Variants in COX15 observed in about 807,000 individuals in gnomAD.
The protein encoded by COX15 is heme A synthase COX15.
COX15 carries 51 observed loss-of-function variants against 51.9 expected under a neutral mutation model. The observed-to-expected ratio is 0.98, with a 90% CI of 0.78 to 1.24. The LOEUF is 1.24. Among genes scored for constraint, COX15 ranks in the 50% most tolerant of loss-of-function variants. The pLI, the probability that COX15 is intolerant of heterozygous loss-of-function variation, is 0.00. For synonymous variants in COX15, 188 were observed against 190.5 expected (o/e 0.99, Z 0.11); for missense variants, 420 against 501.1 (o/e 0.84, Z 1.55).
At chr10:99,715,507 T>A (rs914447264) in intron 8 of COX15, among the ~76,000 whole-genome samples, 1 of 52,076 alleles carries the variant, frequency 1.9e-5, no homozygotes, top group Admixed American at 2.3e-4. Flanking sequence ...AATTTTCTCA[T>A]ACAAAAGGTC....
downstream of COX15, among the ~76,000 whole-genome samples, chr10:99,708,193 A>G (rs557887408): frequency 1.7e-4 from 26 of 151,408 alleles, no homozygotes; most frequent in South Asian, 1.9e-3. Context: ...AGATTCCTTT[A>G]ACTTCAAGAT....
chr10:99,696,605 A>G, the COX15 span, among the ~76,000 whole-genome samples: 1 of 152,236 alleles, frequency 6.6e-6, no homozygotes, highest in Non-Finnish European at 1.5e-5. Flanking sequence ...TCAAATTCAT[A>G]ATAGTCAGTT....
chr10:99,731,029 T>C (rs1441409940), intron 1 of COX15, among the ~76,000 whole-genome samples: 1 of 152,116 alleles, frequency 6.6e-6, no homozygotes. Context: ...GCCACAGCAC[T>C]CCAGCCTGGG....
At chr10:99,707,460 T>G (rs2036275156), downstream of COX15, among the ~76,000 whole-genome samples, 1 of 152,266 alleles carries the variant, frequency 6.6e-6, no homozygotes. Flanking sequence ...AATTTGCTTC[T>G]AGGAGCAGAA....
At chr10:99,704,837 C>T in the COX15 span, 10 of 685,648 alleles carry the variant, frequency 1.5e-5, no homozygotes, top group East Asian at 8.2e-5. Context: ...ATTCCTTCTC[C>T]GTACCCAGGT....
intron 1 of COX15, among the ~76,000 whole-genome samples, chr10:99,730,916 C>T (rs1398187715): frequency 6.6e-6 from 1 of 152,018 alleles, no homozygotes; most frequent in Non-Finnish European, 1.5e-5. Context: ...AAAAATTAGG[C>T]ACAGTGGCAC....
At chr10:99,710,051 CAT>C (rs2036333992), downstream of COX15, 4 of 985,460 alleles carry the variant, frequency 4.1e-6, no homozygotes, top group South Asian at 1.9e-4. Context: ...GCCACACATG[CAT>C]GACTTCAGGC....
At chr10:99,727,258 T>C (rs1328174939) in intron 3 of COX15, 104 bp from the exon 4 acceptor site, 21 of 1,449,102 alleles carry the variant, frequency 1.4e-5, no homozygotes, top group Non-Finnish European at 1.9e-5. Flanking sequence ...TGCAACTTGG[T>C]AGGTCTGCCC....
chr10:99,695,435 T>C, the COX15 span, among the ~76,000 whole-genome samples: 152 of 152,132 alleles, frequency 1.0e-3, no homozygotes, highest in African/African-American at 3.1e-3. Flanking sequence ...GGCAGCAGAA[T>C]TGCTTGAACC....
the COX15 span, chr10:99,696,124 T>C: frequency 6.2e-7 from 1 of 1,612,824 alleles, no homozygotes; most frequent in Non-Finnish European, 8.5e-7. Context: ...CAAAAACAGG[T>C]ACATTTGATA....
chr10:99,697,978 C>G, the COX15 span: 1 of 157,030 alleles, frequency 6.4e-6, no homozygotes, highest in African/African-American at 2.4e-5. Context: ...CCAGTCTTCT[C>G]CCCACTCAGA....
At chr10:99,727,676 T>C (rs758017032) in intron 2 of COX15, 113 bp from the exon 3 acceptor site, 2 of 1,268,990 alleles carry the variant, frequency 1.6e-6, no homozygotes, top group Non-Finnish European at 2.3e-6. Flanking sequence ...ACACATTGTT[T>C]CCTTGTTTCC....
Position 99,723,959 on chromosome 10 carries a change from G to A in COX15, c.747C>T (p.His249=), listed in dbSNP as rs748131433. ...WTSLSLLLPP[H]KLPETHQLLQ... ...GATATTTGCACACAACTCTTACCTT[G>A]TGCGGAGGGAGTAGCAGTGACAGTG... Residue 249 remains histidine (H), a synonymous_variant, in exon 5 of 9, where the codon CAC becomes CAT. Coordinates refer to ENST00000016171, the MANE Select transcript of COX15 (RefSeq NM_078470.6). 5.6e-6 allele frequency: 9 copies of A among 1,613,638 alleles called. No individual in the cohort carries two copies. The Admixed American group carries it at 1.5e-4, about 27-fold the overall frequency.
In COX15 at chr10:99,712,376, T is replaced by C; in HGVS notation, c.*2211A>G. 1 of 985,428 alleles carries C rather than the reference T, an allele frequency of 1.0e-6. No homozygotes were observed. The highest frequency in any genetic ancestry group is 1.2e-6 in the Non-Finnish European group (1 of 829,934). 61.0% of individuals were successfully genotyped at this position (985,428 alleles called of 1,614,324 possible). ...ATAACATTTTTTAAAATCTTGAAATTAGTTCCCAACACTTAATTGAGAGCT... is the reference window on the plus strand; with the variant it reads ...ATAACATTTTTTAAAATCTTGAAATCAGTTCCCAACACTTAATTGAGAGCT... On this transcript the variant is annotated 3_prime_UTR_variant, in exon 9 of 9. Transcript: ENST00000016171.
chr10:99,713,306 T>G lies in COX15; in HGVS notation c.*1281A>C. Reference sequence around the variant, plus strand: ...ACTTATTTAATTTAAATGAGTATGTTACATTTCTAATCTGTTTAATTTCAT... The same window carrying G: ...ACTTATTTAATTTAAATGAGTATGTGACATTTCTAATCTGTTTAATTTCAT... On this transcript the variant is annotated 3_prime_UTR_variant, in exon 9 of 9. Transcript: ENST00000016171. 2 of 1,581,154 alleles carry G rather than the reference T, an allele frequency of 1.3e-6. No individual in the cohort carries two copies. Among genetic ancestry groups the G allele is most frequent in the East Asian group, 2.2e-5 (1 of 44,574 alleles).
At chr10:99,726,501 C>T (rs1168920067) in intron 4 of COX15, among the ~76,000 whole-genome samples, 1 of 152,142 alleles carries the variant, frequency 6.6e-6, no homozygotes, top group Non-Finnish European at 1.5e-5. Context: ...CCCTAAGTGT[C>T]AGAGCTGGGG....
the COX15 span, among the ~76,000 whole-genome samples, chr10:99,703,289 G>T: frequency 2.0e-5 from 3 of 152,250 alleles, no homozygotes; most frequent in Admixed American, 2.0e-4. Flanking sequence ...GATGAATTTT[G>T]TATCTTTGAT....
intron 7 of COX15, 56 bp from the exon 8 acceptor site, chr10:99,716,517 C>T (rs2036586042): frequency 8.3e-7 from 1 of 1,211,016 alleles, no homozygotes; most frequent in African/African-American, 1.5e-5. Flanking sequence ...TTCTAACTCA[C>T]CTTACATGTA....
Position 99,732,064 on chromosome 10 carries a change from A to G in COX15, c.-15T>C, listed in dbSNP as rs771545919. Reference sequence around the variant, plus strand: ...AATCGCTGCATACTGATGACAGGGAACAGCCACCTCTTCCACAACCCAGGG... The same window carrying G: ...AATCGCTGCATACTGATGACAGGGAGCAGCCACCTCTTCCACAACCCAGGG... On this transcript the variant is annotated 5_prime_UTR_variant, in exon 1 of 9. Transcript: ENST00000016171. The G allele has an allele frequency of 1.9e-6, 3 of 1,610,374 alleles. No individual in the cohort carries two copies. Among genetic ancestry groups the G allele is most frequent in the Non-Finnish European group, 2.5e-6 (3 of 1,178,542 alleles).
Sources: gnomAD v4.1 joint callset for allele counts (sites outside exome capture counted in the v4.1 genomes callset) on GRCh38, gnomAD v4.1.1 for gene constraint, MANE v1.5 for transcripts, NCBI Gene and HGNC (gene_info 2026-07-23, HGNC 2026-07-21) for gene names.